COPG2: variants seen among roughly 807,000 people sequenced by gnomAD.
COPG2 encodes the protein coat protein complex I subunit gamma 2, also known as coatomer subunit gamma-2.
COPG2 carries 37 observed loss-of-function variants against 46.3 expected under a neutral mutation model. The observed-to-expected ratio is 0.80, with a 90% CI of 0.61 to 1.05. The LOEUF (loss-of-function observed/expected upper bound fraction) is 1.05, where lower values mean the gene tolerates loss of function less well. Ranked by LOEUF, COPG2 falls within the 50% of genes least tolerant of loss-of-function variation. COPG2 has a pLI of 0.00. For missense variants in COPG2, 427 were observed against 387.8 expected (o/e 1.10, Z -0.85); for synonymous variants, 159 against 129.7 (o/e 1.23, Z -1.53).
chr7:130,604,778 C>T (rs782201188), intron 9 of COPG2: 2 of 503,396 alleles, frequency 4.0e-6, no homozygotes. Context: ...TTTAATAGTC[C>T]ACCAATAAGT....
chr7:130,562,125 G>A (rs977721762), intron 11 of COPG2, among the ~76,000 whole-genome samples: 7 of 152,166 alleles, frequency 4.6e-5, no homozygotes, highest in Admixed American at 6.5e-5. Flanking sequence ...CTGGGAGGCC[G>A]AGGTGGGCAG....
At chr7:130,618,196 C>T (rs1268581398) in intron 5 of COPG2, among the ~76,000 whole-genome samples, 1 of 149,878 alleles carries the variant, frequency 6.7e-6, no homozygotes, top group African/African-American at 2.4e-5. Context: ...CTTTCTGGCT[C>T]TGTCAGATGC....
intron 20 of COPG2, among the ~76,000 whole-genome samples, chr7:130,533,588 C>A (rs1209089114): frequency 1.3e-5 from 2 of 152,020 alleles, no homozygotes; most frequent in African/African-American, 2.4e-5. Context: ...CAGTGTCTCC[C>A]TAGTGGCAGA....
At chr7:130,591,711 C>T (rs191723360) in intron 9 of COPG2, among the ~76,000 whole-genome samples, 18,597 of 144,606 alleles carry the variant, frequency 0.13, 2,168 homozygotes, top group African/African-American at 0.32. Flanking sequence ...GCCAGCCGCC[C>T]AGTCCGGGAA....
chr7:130,599,082 T>C (rs1794583709), intron 9 of COPG2, among the ~76,000 whole-genome samples: 1 of 152,152 alleles, frequency 6.6e-6, no homozygotes, highest in African/African-American at 2.4e-5. Context: ...TCCATGCTGG[T>C]GCCAGGCAGG....
At chr7:130,611,683 T>C (rs1020079141) in intron 8 of COPG2, among the ~76,000 whole-genome samples, 2 of 152,194 alleles carry the variant, frequency 1.3e-5, no homozygotes, top group Admixed American at 1.3e-4. Flanking sequence ...TGGGGTACTT[T>C]ACACACAATT....
intron 9 of COPG2, among the ~76,000 whole-genome samples, chr7:130,589,280 A>C (rs1554448506): frequency 1.3e-5 from 2 of 151,140 alleles, no homozygotes; most frequent in African/African-American, 4.9e-5. Flanking sequence ...GTACAGGTTT[A>C]CTTTTTTTTT....
chr7:130,585,263 C>CCT (rs1794242509), intron 9 of COPG2, among the ~76,000 whole-genome samples: 2 of 151,994 alleles, frequency 1.3e-5, no homozygotes, highest in Non-Finnish European at 2.9e-5. Context: ...TGGCTAGCCA[C>CCT]ATGTAGCAGA....
At chr7:130,589,563 G>A (rs188491867) in intron 9 of COPG2, among the ~76,000 whole-genome samples, 3 of 152,220 alleles carry the variant, frequency 2.0e-5, no homozygotes, top group East Asian at 3.9e-4. Context: ...GGAACTACAG[G>A]TGTGTGCCAC....
chr7:130,593,831 T>G (rs1270337352), intron 9 of COPG2, among the ~76,000 whole-genome samples: 4 of 152,146 alleles, frequency 2.6e-5, no homozygotes, highest in Non-Finnish European at 5.9e-5. Flanking sequence ...GCTATAATGC[T>G]TATGGAAAAT....
intron 9 of COPG2, among the ~76,000 whole-genome samples, chr7:130,591,727 T>TG (rs1242400810): frequency 1.7e-3 from 237 of 140,548 alleles, no homozygotes; most frequent in African/African-American, 5.8e-3. Flanking sequence ...GGGAAGGAGG[T>TG]GGGGGGGTCA....
At chr7:130,530,658 G>A (rs1227139271) in intron 20 of COPG2, among the ~76,000 whole-genome samples, 1 of 152,094 alleles carries the variant, frequency 6.6e-6, no homozygotes, top group Non-Finnish European at 1.5e-5. Flanking sequence ...CCTTCCCCTG[G>A]CCAAGGAAGC....
In COPG2 at chr7:130,667,466, T is replaced by G; in HGVS notation, c.90+16A>C. On this transcript the variant is annotated intron_variant, in intron 2 of 23. Transcript: ENST00000425248. ...AGAATAGAAAAGAAAGGGCACAAGA[T>G]ACTTCCCAGTCATACCTCCTGTAAA... 1 of 1,609,894 alleles carries G rather than the reference T, an allele frequency of 6.2e-7. No homozygotes were observed. The highest frequency in any genetic ancestry group is 8.5e-7 in the Non-Finnish European group (1 of 1,176,368).
chr7:130,575,630 T>C (rs1554446113), intron 9 of COPG2, among the ~76,000 whole-genome samples: 1 of 151,832 alleles, frequency 6.6e-6, no homozygotes, highest in African/African-American at 2.4e-5. Context: ...AAAGGACCTA[T>C]AAAACAAAAA....
At chr7:130,625,232 T>C (rs1554454109) in intron 5 of COPG2, among the ~76,000 whole-genome samples, 1 of 152,194 alleles carries the variant, frequency 6.6e-6, no homozygotes, top group Non-Finnish European at 1.5e-5. Context: ...ATAAGAAGAC[T>C]ATTGATTATT....
chr7:130,668,672 G>A lies in COPG2; in HGVS notation c.-4C>T, dbSNP rs1320346823. The A allele has an allele frequency of 6.5e-7, 1 of 1,540,280 alleles. No individual in the cohort carries two copies. Among genetic ancestry groups the A allele is most frequent in the Non-Finnish European group, 8.7e-7 (1 of 1,145,224 alleles). ...TCTTGTCGAATTTTTTAATCATCTT[G>A]GACGACTTCCCAGCGCCCAGACCCA... is the stretch of plus-strand genomic sequence containing the variant. On this transcript the variant is annotated 5_prime_UTR_variant, in exon 1 of 24. Transcript: ENST00000425248.
At chr7:130,616,347 C>T (rs1584581797) in intron 6 of COPG2, among the ~76,000 whole-genome samples, 2 of 152,224 alleles carry the variant, frequency 1.3e-5, no homozygotes, top group African/African-American at 2.4e-5. Context: ...TAACAAAAAG[C>T]CTCCCACATG....
At chr7:130,646,984 T>C (rs1404619061) in intron 5 of COPG2, among the ~76,000 whole-genome samples, 232 of 830 alleles carry the variant, frequency 0.28, 2 homozygotes, top group African/African-American at 0.33. Context: ...TATATATATG[T>C]ATATATATAT....
chr7:130,506,568 T>C lies in COPG2; in HGVS notation c.*108A>G, dbSNP rs1283924906. The C allele has an allele frequency of 2.0e-6, 1 of 512,438 alleles. No individual in the cohort carries two copies. Among genetic ancestry groups the C allele is most frequent in the African/African-American group, 2.0e-5 (1 of 50,524 alleles). The allele number at this position is 512,438 out of a possible 1,614,324, so 31.7% of individuals were successfully genotyped here. The stretch of plus-strand genomic sequence containing the variant: ...CAGGGCCAAATGTTTAATTTGCTTC[T>C]CCAAAGTCATTCATCTTCAAAAGTC... On this transcript the variant is annotated 3_prime_UTR_variant, in exon 24 of 24. Coordinates refer to ENST00000425248, the MANE Select transcript of COPG2 (RefSeq NM_012133.6).
Sources: gnomAD v4.1 joint callset for allele counts (sites outside exome capture counted in the v4.1 genomes callset) on GRCh38, gnomAD v4.1.1 for gene constraint, MANE v1.5 for transcripts, NCBI Gene and HGNC (gene_info 2026-07-23, HGNC 2026-07-21) for gene names.